Variants in UBE2G2 observed in about 807,000 individuals in gnomAD.
UBE2G2 encodes ubiquitin conjugating enzyme E2 G2.
UBE2G2 carries 10 observed loss-of-function variants against 23.0 expected under a neutral mutation model. The ratio of observed to expected loss-of-function variants is 0.43; its 90% CI spans 0.27 to 0.74. The LOEUF is 0.74. Ranked by LOEUF, UBE2G2 falls within the 30% of genes least tolerant of loss-of-function variation. The probability of loss-of-function intolerance (pLI) is 0.19; values close to 1 mark genes in which losing one functional copy is unlikely to be tolerated. For missense variants in UBE2G2, 150 were observed against 218.3 expected (o/e 0.69, Z 1.97); for synonymous variants, 86 against 81.3 (o/e 1.06, Z -0.31).
chr21:44,773,096 C>G (rs2082886563), intron 5 of UBE2G2, among the ~76,000 whole-genome samples: 1 of 152,200 alleles, frequency 6.6e-6, no homozygotes, highest in African/African-American at 2.4e-5. Flanking sequence ...TAAACACACC[C>G]CAGACAGCCC....
At chr21:44,776,786 G>C (rs2082917014) in intron 4 of UBE2G2, 1 of 156,302 alleles carries the variant, frequency 6.4e-6, no homozygotes. Context: ...CTTCTCCTTT[G>C]CCTTCTGCCA....
In UBE2G2 at chr21:44,792,696, C is replaced by T. The variant is rs368198524; in HGVS notation, c.44-4601G>A. Among the ~76,000 whole-genome samples the T allele has an allele frequency of 2.0e-5, 3 of 152,318 alleles. No homozygotes were observed. The South Asian group carries it at 6.2e-4, about 32-fold the overall frequency. On this transcript the variant is annotated intron_variant, in intron 1 of 5. Coordinates refer to ENST00000345496, the MANE Select transcript of UBE2G2 (RefSeq NM_003343.6). ...ATGTACCGATTAACCGTTTAATGAACCCACAACCTTGGGTAGAACAAGGCC... is the reference window on the plus strand; with the variant it reads ...ATGTACCGATTAACCGTTTAATGAATCCACAACCTTGGGTAGAACAAGGCC...
At chr21:44,777,564 T>C (rs781832329) in intron 3 of UBE2G2, 147 bp from the exon 4 acceptor site, 10 of 744,308 alleles carry the variant, frequency 1.3e-5, no homozygotes, top group Admixed American at 2.4e-5. Context: ...TCCCAGCACT[T>C]TGGAAGGCCG....
In UBE2G2 at chr21:44,771,341, C is replaced by T; in HGVS notation, c.*36G>A. On this transcript the variant is annotated 3_prime_UTR_variant, in exon 6 of 6. Coordinates refer to ENST00000345496, the MANE Select transcript of UBE2G2 (RefSeq NM_003343.6). This position sits in a 1 kb window ranked among gnomAD's most constrained non-coding sequence, Gnocchi z 4.6. ...TGTGCCGGGGGAGAATGCTGAGCTG[C>T]TTGGCGGTGTGTGCGCGCCTGTGCG... 1 of 1,590,266 alleles carries T rather than the reference C, an allele frequency of 6.3e-7. No homozygotes were observed. Among genetic ancestry groups the T allele is most frequent in the South Asian group, 1.1e-5 (1 of 90,668 alleles).
At chr21:44,783,222 C>G (rs782524009) in intron 3 of UBE2G2, among the ~76,000 whole-genome samples, 4 of 152,156 alleles carry the variant, frequency 2.6e-5, no homozygotes, top group Non-Finnish European at 5.9e-5. Flanking sequence ...GTAAGGAGAC[C>G]CCACTTTACA....
At position 44,787,923 on chromosome 21, in the gene UBE2G2, A is replaced by G; in HGVS notation, c.122T>C (p.Ile41Thr). 1 of 1,613,946 alleles carries G rather than the reference A, an allele frequency of 6.2e-7. No homozygotes were observed. Among genetic ancestry groups the G allele is most frequent in the Non-Finnish European group, 8.5e-7 (1 of 1,179,978 alleles). ...AGTACACCTAAAATTAACTTACATGATCAATGCCTCCCATTCAAAAAAGTT... is the reference window on the plus strand; with the variant it reads ...AGTACACCTAAAATTAACTTACATGGTCAATGCCTCCCATTCAAAAAAGTT... ...EENFFEWEAL[I>T]MGPEDTCFEF... The change falls in exon 3 of 6, where the codon ATC (isoleucine) becomes ACC (threonine). Residue 41 changes from isoleucine (I) to threonine (T), a missense_variant. Ile to Thr is a moderately conservative substitution (Grantham distance 89). Transcript: ENST00000345496.
chr21:44,792,220 A>C (rs2083051369), intron 1 of UBE2G2, among the ~76,000 whole-genome samples: 1 of 152,200 alleles, frequency 6.6e-6, no homozygotes, highest in African/African-American at 2.4e-5. Context: ...GAAATGAGTT[A>C]AGACTTTGGG....
In UBE2G2 at chr21:44,801,793, C is replaced by A; in HGVS notation, c.-45G>T. The A allele has an allele frequency of 6.7e-7, 1 of 1,502,106 alleles. No homozygotes were observed. The highest frequency in any genetic ancestry group is 8.9e-7 in the Non-Finnish European group (1 of 1,129,638). 93.0% of individuals were successfully genotyped at this position (1,502,106 alleles called of 1,614,324 possible). The stretch of plus-strand genomic sequence containing the variant: ...CGAGCGACCTCGCCTCAGCCGCGCG[C>A]GTGCCTCCTGCCCCGACACCGGGGA... On this transcript the variant is annotated 5_prime_UTR_variant, in exon 1 of 6. Coordinates refer to ENST00000345496, the MANE Select transcript of UBE2G2 (RefSeq NM_003343.6).
At chr21:44,784,175 G>A (rs1461270178) in intron 3 of UBE2G2, among the ~76,000 whole-genome samples, 4 of 151,898 alleles carry the variant, frequency 2.6e-5, no homozygotes, top group Admixed American at 2.0e-4. Flanking sequence ...GGGAGGGGAG[G>A]GGAGGGGAGG....
rs573015073 is a variant in UBE2G2, at chr21:44,769,555, T to C, written c.*1822A>G. ...GCCACCACGCCCGGCTAATTTTTTG[T>C]ATTTTTAGTGGAGACAGGGTTTCAC... On this transcript the variant is annotated 3_prime_UTR_variant, in exon 6 of 6. Transcript: ENST00000345496. The C allele has an allele frequency of 2.0e-5, 3 of 152,352 alleles. No individual in the cohort carries two copies. The East Asian group carries it at 5.8e-4, about 29-fold the overall frequency. The allele number at this position is 152,352 out of a possible 1,614,324, so 9.4% of individuals were successfully genotyped here.
intron 1 of UBE2G2, among the ~76,000 whole-genome samples, chr21:44,799,140 G>C (rs1223795265): frequency 6.6e-6 from 1 of 152,162 alleles, no homozygotes; most frequent in Non-Finnish European, 1.5e-5. Context: ...GCTGTACACA[G>C]ATGTGCTGTC....
intron 3 of UBE2G2, among the ~76,000 whole-genome samples, chr21:44,786,889 C>T (rs1275952229): frequency 2.6e-5 from 4 of 152,158 alleles, no homozygotes; most frequent in African/African-American, 4.8e-5. Flanking sequence ...GTCAGAAGTT[C>T]GAGACCAGCC....
At chr21:44,794,956 T>G (rs1377645416) in intron 1 of UBE2G2, among the ~76,000 whole-genome samples, 1 of 152,152 alleles carries the variant, frequency 6.6e-6, no homozygotes, top group African/African-American at 2.4e-5. Context: ...TCACGAGTCT[T>G]ATGGAAATGC....
rs537895886 is a variant in UBE2G2, at chr21:44,801,773, G to A, written c.-25C>T. 2.4e-5 allele frequency: 37 copies of A among 1,510,754 alleles called. No homozygotes were observed. Among genetic ancestry groups the A allele is most frequent in the African/African-American group, 1.6e-4 (11 of 68,808 alleles). The allele number at this position is 1,510,754 out of a possible 1,614,324, so 93.6% of individuals were successfully genotyped here. On this transcript the variant is annotated 5_prime_UTR_variant, in exon 1 of 6. Transcript: ENST00000345496. The stretch of plus-strand genomic sequence containing the variant: ...TGGCCCCGCAACAGCTGCGCCGAGC[G>A]ACCTCGCCTCAGCCGCGCGCGTGCC...
chr21:44,778,848 A>C (rs1444613483), intron 3 of UBE2G2, among the ~76,000 whole-genome samples: 4 of 152,264 alleles, frequency 2.6e-5, no homozygotes, highest in Non-Finnish European at 5.9e-5. Context: ...CTAAGGCAGA[A>C]AGAACAGTCG....
Position 44,779,191 on chromosome 21 carries a change from C to T in UBE2G2, c.126-1774G>A, listed in dbSNP as rs189601406. On this transcript the variant is annotated intron_variant, in intron 3 of 5. Transcript: ENST00000345496. Reference sequence around the variant, plus strand: ...TCGGCAGCAACAGCAGATGCCAGCACGGCTCATGGCCCTAGCAGGGCTGAT... The same window carrying T: ...TCGGCAGCAACAGCAGATGCCAGCATGGCTCATGGCCCTAGCAGGGCTGAT... 640 of 448,464 alleles carry T rather than the reference C, an allele frequency of 1.4e-3. 2 individuals are homozygous for T. The highest frequency in any genetic ancestry group is 0.012 in the African/African-American group (591 of 49,770). 27.8% of individuals were successfully genotyped at this position (448,464 alleles called of 1,614,324 possible).
At chr21:44,794,486 TAA>T (rs1375279753) in intron 1 of UBE2G2, among the ~76,000 whole-genome samples, 4 of 152,072 alleles carry the variant, frequency 2.6e-5, no homozygotes, top group African/African-American at 9.6e-5. Flanking sequence ...AGAAATATTT[TAA>T]AAGTCAATAA....
Position 44,771,542 on chromosome 21 carries a change from G to C in UBE2G2, c.386-53C>G. ...TAAAAGGGAGTCTTATACGTAAGCA[G>C]CCTGGCAAGGTCTCCCATTTATTTA... is the stretch of plus-strand genomic sequence containing the variant. On this transcript the variant is annotated intron_variant, in intron 5 of 5. Transcript: ENST00000345496. This position sits in a 1 kb window ranked among gnomAD's most constrained non-coding sequence, Gnocchi z 4.6. 1 of 1,554,798 alleles carries C rather than the reference G, an allele frequency of 6.4e-7. No individual in the cohort carries two copies.
At chr21:44,792,188 C>A (rs781841630) in intron 1 of UBE2G2, among the ~76,000 whole-genome samples, 5 of 152,144 alleles carry the variant, frequency 3.3e-5, no homozygotes, top group Non-Finnish European at 5.9e-5. Flanking sequence ...AGACTTTGGA[C>A]TTGGACTTTT....
Sources: gnomAD v4.1 joint callset for allele counts (sites outside exome capture counted in the v4.1 genomes callset) on GRCh38, gnomAD v4.1.1 for gene constraint, Gnocchi (gnomAD v3.1) non-coding constraint, MANE v1.5 for transcripts, NCBI Gene and HGNC (gene_info 2026-07-23, HGNC 2026-07-21) for gene names.